The following SLC1A2 variants were observed in gnomAD, a reference collection of about 807,000 sequenced individuals.
SLC1A2 encodes excitatory amino acid transporter 2.
SLC1A2 carries 15 observed loss-of-function variants against 48.8 expected under a neutral mutation model. That is an observed-to-expected ratio of 0.31 (90% CI 0.21 to 0.47). SLC1A2 has a LOEUF of 0.47. SLC1A2 is among the 20% of genes least tolerant of loss of function. The pLI, the probability that SLC1A2 is intolerant of heterozygous loss-of-function variation, is 0.99. For synonymous variants in SLC1A2, 279 were observed against 272.6 expected, an observed-to-expected ratio of 1.02 and a Z score of -0.23; for missense variants, 502 against 730.5, an observed-to-expected ratio of 0.69 and a Z score of 3.61.
intron 1 of SLC1A2, among the ~76,000 whole-genome samples, chr11:35,384,874 G>A (rs1854537476): frequency 6.6e-6 from 1 of 151,952 alleles, no homozygotes; most frequent in African/African-American, 2.4e-5. Flanking sequence ...GCTAAGGCTG[G>A]GAAGCCCATG....
At chr11:35,415,179 C>A (rs1590295829) in intron 1 of SLC1A2, among the ~76,000 whole-genome samples, 1 of 152,182 alleles carries the variant, frequency 6.6e-6, no homozygotes, top group African/African-American at 2.4e-5. Context: ...TCTGACACAT[C>A]CTTTAAAGCC....
intron 6 of SLC1A2, among the ~76,000 whole-genome samples, chr11:35,301,109 C>G (rs999923163): frequency 6.6e-6 from 1 of 152,088 alleles, no homozygotes; most frequent in Non-Finnish European, 1.5e-5. Flanking sequence ...TGGTCTGCAA[C>G]CTGGAAAAGG....
At chr11:35,321,228 C>T (rs1481948673) in intron 1 of SLC1A2, among the ~76,000 whole-genome samples, 1 of 152,116 alleles carries the variant, frequency 6.6e-6, no homozygotes, top group Non-Finnish European at 1.5e-5. Flanking sequence ...CCCACGGGGT[C>T]CCTTCCACAA....
At chr11:35,407,121 C>T (rs1855322411) in intron 1 of SLC1A2, among the ~76,000 whole-genome samples, 1 of 151,412 alleles carries the variant, frequency 6.6e-6, no homozygotes, top group African/African-American at 2.4e-5. Flanking sequence ...TACTAAAATA[C>T]ATCCAACTCT....
intron 1 of SLC1A2, 92 bp downstream of exon 1, chr11:35,418,852 CCCGCCG>C: frequency 8.9e-7 from 1 of 1,127,800 alleles, no homozygotes; most frequent in Non-Finnish European, 1.3e-6. Context: ...ACCTCCGAGG[CCCGCCG>C]CCGCCGCCTC....
chr11:35,319,289 G>A (rs1335730082), intron 1 of SLC1A2, among the ~76,000 whole-genome samples: 1 of 152,094 alleles, frequency 6.6e-6, no homozygotes, highest in East Asian at 1.9e-4. Context: ...TTTTTAACGT[G>A]GATAGACCAT....
intron 8 of SLC1A2, chr11:35,281,862 C>T (rs1850645664): frequency 6.6e-6 from 1 of 152,036 alleles, no homozygotes; most frequent in Admixed American, 6.6e-5. Context: ...ATCAAAATAT[C>T]CAAGAGTACT....
rs919936638 is a variant in SLC1A2 at position 35,314,585 on chromosome 11, T to G, written c.310+438A>C. On this transcript the variant is annotated intron_variant, in intron 3 of 10. Coordinates refer to ENST00000278379, the MANE Select transcript of SLC1A2 (RefSeq NM_004171.4). ...AAAATTAGCCAGGCATGATGGCACATGCCTGTAGTCCCAGCTACTCAGGAG... is the reference window on the plus strand; with the variant it reads ...AAAATTAGCCAGGCATGATGGCACAGGCCTGTAGTCCCAGCTACTCAGGAG... 2.6e-5 allele frequency among the ~76,000 whole-genome samples: 4 copies of G among 151,992 alleles called. No homozygotes were observed. The East Asian group carries it at 5.8e-4, about 22-fold the overall frequency.
intron 6 of SLC1A2, 150 bp from the exon 7 acceptor site, chr11:35,292,670 T>C (rs1851048480): frequency 6.8e-6 from 4 of 585,650 alleles, no homozygotes; most frequent in Non-Finnish European, 1.2e-5. Context: ...ATTTTTTACT[T>C]TGGACCACTT....
chr11:35,313,805 C>T (rs1171154928), intron 3 of SLC1A2, among the ~76,000 whole-genome samples: 5 of 152,160 alleles, frequency 3.3e-5, no homozygotes, highest in Non-Finnish European at 7.4e-5. Flanking sequence ...CCCTAAGTGC[C>T]TGATCCTGAG....
At chr11:35,309,214 TC>T (rs1851611108) in intron 4 of SLC1A2, among the ~76,000 whole-genome samples, 1 of 152,140 alleles carries the variant, frequency 6.6e-6, no homozygotes, top group Non-Finnish European at 1.5e-5. Flanking sequence ...CTTCTGTGTT[TC>T]CCTGATGTTT....
Position 35,251,494 on chromosome 11 carries a change from T to C in SLC1A2, c.*9400A>G, listed in dbSNP as rs113749644. ...GATTTTATCTTTTTGCATTCATTAGTCTTTAAACACTATGTGCTATAGATG... is the reference window on the plus strand; with the variant it reads ...GATTTTATCTTTTTGCATTCATTAGCCTTTAAACACTATGTGCTATAGATG... On this transcript the variant is annotated 3_prime_UTR_variant, in exon 11 of 11. Transcript: ENST00000278379. 3 of 152,666 alleles carry C rather than the reference T, an allele frequency of 2.0e-5. No homozygotes were observed. Among genetic ancestry groups the C allele is most frequent in the African/African-American group, 7.2e-5 (3 of 41,582 alleles). The allele number at this position is 152,666 out of a possible 1,614,324, so 9.5% of individuals were successfully genotyped here. A position where few individuals can be genotyped will look rare whatever the true frequency, so the allele number is the denominator to read the frequency against.
intron 1 of SLC1A2, among the ~76,000 whole-genome samples, chr11:35,339,695 A>T (rs1852769022): frequency 6.6e-6 from 1 of 152,194 alleles, no homozygotes; most frequent in African/African-American, 2.4e-5. Flanking sequence ...GGATGGAGGG[A>T]TGGATATTGG....
chr11:35,350,086 G>A (rs748756317), intron 1 of SLC1A2, among the ~76,000 whole-genome samples: 2 of 152,126 alleles, frequency 1.3e-5, no homozygotes, highest in Non-Finnish European at 2.9e-5. Flanking sequence ...TACAAAGGGC[G>A]CAGTACTGTG....
intron 9 of SLC1A2, among the ~76,000 whole-genome samples, chr11:35,275,552 G>A (rs748464304): frequency 9.2e-5 from 14 of 152,152 alleles, no homozygotes; most frequent in South Asian, 8.3e-4. Context: ...TCTGGGACTC[G>A]GCATTTTTCA....
intron 1 of SLC1A2, among the ~76,000 whole-genome samples, chr11:35,412,954 A>T (rs1322762256): frequency 2.0e-5 from 3 of 152,066 alleles, no homozygotes; most frequent in Non-Finnish European, 4.4e-5. Flanking sequence ...GACCAAAGTT[A>T]AAGAAAATAA....
intron 1 of SLC1A2, among the ~76,000 whole-genome samples, chr11:35,357,822 T>C (rs1283624649): frequency 1.3e-5 from 2 of 152,142 alleles, no homozygotes; most frequent in African/African-American, 4.8e-5. Context: ...TTATAGTATA[T>C]TAAAATGGTT....
intron 1 of SLC1A2, among the ~76,000 whole-genome samples, chr11:35,358,676 A>G (rs10836377): frequency 0.33 from 50,685 of 151,996 alleles, 8,796 homozygotes; most frequent in South Asian, 0.53. Flanking sequence ...TTCTGAAAAG[A>G]GAAACTAACA....
chr11:35,351,870 A>G (rs919236966), intron 1 of SLC1A2, among the ~76,000 whole-genome samples: 74 of 152,232 alleles, frequency 4.9e-4, no homozygotes, highest in African/African-American at 1.5e-3. Flanking sequence ...TCCTGACATC[A>G]TGATCCACCC....
Sources: gnomAD v4.1 joint callset for allele counts (sites outside exome capture counted in the v4.1 genomes callset) on GRCh38, gnomAD v4.1.1 for gene constraint, MANE v1.5 for transcripts, NCBI Gene and HGNC (gene_info 2026-07-23, HGNC 2026-07-21) for gene names.